Variants in ZNF114 observed in about 807,000 individuals in gnomAD.
The protein encoded by ZNF114 is zinc finger protein 114.
Under a neutral mutation model 6.8 loss-of-function variants are expected in ZNF114, and 8 were observed. The observed-to-expected ratio is 1.18, with a 90% CI of 0.69 to 2.13. The LOEUF (loss-of-function observed/expected upper bound fraction) is 2.13, where lower values mean the gene tolerates loss of function less well. Ranked by LOEUF, ZNF114 falls within the 30% of genes most tolerant of loss-of-function variation. ZNF114 has a pLI of 0.00. For missense variants in ZNF114, 472 were observed against 519.5 expected, an observed-to-expected ratio of 0.91 and a Z score of 0.89; for synonymous variants, 169 against 185.5, an observed-to-expected ratio of 0.91 and a Z score of 0.72.
chr19:48,275,173 G>T (rs73045507), intron 3 of ZNF114, among the ~76,000 whole-genome samples: 39,163 of 139,762 alleles, frequency 0.28, 5,421 homozygotes, highest in East Asian at 0.4. Flanking sequence ...AGAGAGAGAG[G>T]AAGAGAGAAA....
rs1234798460 is a variant in ZNF114 at position 48,286,206 on chromosome 19, G to A, written c.582G>A (p.Glu194=). The change falls in exon 6 of 6, where the codon GAG becomes GAA. Residue 194 remains glutamate (E), a synonymous_variant. Coordinates refer to ENST00000595607, the MANE Select transcript of ZNF114 (RefSeq NM_153608.4). ...IQWVPCGRKT[E]LKSSTWTGSQ... ...GGGTTCCGTGTGGGAGAAAAACAGA[G>A]CTGAAATCAAGCACATGGACTGGCA... 29 of 1,614,076 alleles carry A rather than the reference G, an allele frequency of 1.8e-5. No homozygotes were observed. Among genetic ancestry groups the A allele is most frequent in the Non-Finnish European group, 2.5e-5 (29 of 1,180,038 alleles).
At position 48,285,863 on chromosome 19, in the gene ZNF114, G is replaced by C. The variant is rs1968110457; in HGVS notation, c.239G>C (p.Ser80Thr). 1 of 1,614,094 alleles carries C rather than the reference G, an allele frequency of 6.2e-7. No homozygotes were observed. Among genetic ancestry groups the C allele is most frequent in the Admixed American group, 1.7e-5 (1 of 59,996 alleles). Residue 80 changes from serine to threonine, a missense_variant, in exon 6 of 6, where the codon AGT becomes ACT. Physicochemically the swap from Ser to Thr is moderately conservative, Grantham distance 58. Transcript: ENST00000595607. Reference sequence around the variant, plus strand: ...AACAGAGTGTGTCTCACGAGCATCAGTTCCCAGCACTCCACATTAAGAGAA... The same window carrying C: ...AACAGAGTGTGTCTCACGAGCATCACTTCCCAGCACTCCACATTAAGAGAA... The part of the protein sequence containing the change: ...EANRVCLTSI[S>T]SQHSTLREDW...
At chr19:48,285,725 A>G (rs1273585157) in intron 5 of ZNF114, 36 bp from the exon 6 acceptor site, 1 of 1,562,692 alleles carries the variant, frequency 6.4e-7, no homozygotes, top group Admixed American at 2.0e-5. Flanking sequence ...CTTTACTTTC[A>G]ACAAAGAATT....
intron 3 of ZNF114, among the ~76,000 whole-genome samples, chr19:48,272,077 A>G (rs1208930595): frequency 1.3e-5 from 2 of 152,188 alleles, no homozygotes; most frequent in Admixed American, 6.5e-5. Context: ...AGATGCCCGC[A>G]TGCAGCGGTT....
intron 1 of ZNF114, among the ~76,000 whole-genome samples, chr19:48,270,566 G>GAA (rs767125256): frequency 8.4e-6 from 1 of 118,712 alleles, no homozygotes; most frequent in Non-Finnish European, 1.7e-5. Context: ...GAAAGAGAAA[G>GAA]AAAAAAGAAA....
chr19:48,283,412 C>T (rs1282793657), intron 5 of ZNF114, among the ~76,000 whole-genome samples: 1 of 152,186 alleles, frequency 6.6e-6, no homozygotes, highest in Non-Finnish European at 1.5e-5. Context: ...GGCACAGTTC[C>T]TTTATACCAC....
intron 5 of ZNF114, among the ~76,000 whole-genome samples, chr19:48,284,733 G>A (rs947400789): frequency 6.6e-6 from 1 of 152,148 alleles, no homozygotes; most frequent in Non-Finnish European, 1.5e-5. Context: ...GCCTGTCCAA[G>A]CTTATGTTTT....
At chr19:48,275,494 C>T (rs192015782) in intron 3 of ZNF114, among the ~76,000 whole-genome samples, 2 of 151,130 alleles carry the variant, frequency 1.3e-5, no homozygotes, top group East Asian at 3.9e-4. Context: ...CCTGTACTCC[C>T]AGCTACTTGG....
At chr19:48,283,826 C>A (rs190715737) in intron 5 of ZNF114, among the ~76,000 whole-genome samples, 1 of 151,954 alleles carries the variant, frequency 6.6e-6, no homozygotes, top group Non-Finnish European at 1.5e-5. Flanking sequence ...CTCCACCTCC[C>A]GGGTTCAAGC....
intron 3 of ZNF114, among the ~76,000 whole-genome samples, chr19:48,274,380 AT>A (rs1967764017): frequency 6.6e-6 from 1 of 151,384 alleles, no homozygotes. Flanking sequence ...ATCTTATACT[AT>A]TTAAGTTGAC....
intron 3 of ZNF114, among the ~76,000 whole-genome samples, chr19:48,276,562 C>T (rs900612624): frequency 6.6e-6 from 1 of 152,112 alleles, no homozygotes; most frequent in African/African-American, 2.4e-5. Flanking sequence ...CATTCTGTCA[C>T]CCAAGTTGGA....
chr19:48,282,251 G>T, intron 4 of ZNF114, 120 bp from the exon 5 acceptor site: 1 of 1,366,342 alleles, frequency 7.3e-7, no homozygotes, highest in Non-Finnish European at 1.0e-6. Flanking sequence ...CACAAATCAG[G>T]TCACCTTTGC....
At position 48,286,287 on chromosome 19, in the gene ZNF114, C is replaced by G; in HGVS notation, c.663C>G (p.His221Gln). The G allele has an allele frequency of 1.2e-6, 2 of 1,614,186 alleles. No individual in the cohort carries two copies. Among genetic ancestry groups the G allele is most frequent in the South Asian group, 1.1e-5 (1 of 91,082 alleles). ...RDEIDTGANR[H>Q]QRNPFGKAFR... ...AAATTGATACGGGGGCCAACAGGCA[C>G]CAGCGGAATCCATTTGGAAAAGCTT... Residue 221 changes from histidine to glutamine, a missense_variant, in exon 6 of 6, where the codon CAC (histidine) becomes CAG (glutamine). Transcript: ENST00000595607.
chr19:48,273,756 T>C (rs796765185), intron 3 of ZNF114, among the ~76,000 whole-genome samples: 15 of 129,632 alleles, frequency 1.2e-4, no homozygotes, highest in African/African-American at 3.8e-4. Flanking sequence ...GTGGGGCTTT[T>C]CTTTTTTTTT....
At chr19:48,284,095 G>T (rs1177882532) in intron 5 of ZNF114, among the ~76,000 whole-genome samples, 1 of 152,112 alleles carries the variant, frequency 6.6e-6, no homozygotes, top group South Asian at 2.1e-4. Flanking sequence ...TCAGAGGAAG[G>T]GGGATGAAAT....
chr19:48,280,446 A>G (rs1967959579), intron 4 of ZNF114, among the ~76,000 whole-genome samples: 1 of 152,042 alleles, frequency 6.6e-6, no homozygotes, highest in South Asian at 2.1e-4. Flanking sequence ...AGGGTCTCAC[A>G]GGGGACACTA....
At chr19:48,282,645 C>A in intron 5 of ZNF114, 148 bp downstream of exon 5, 3 of 706,144 alleles carry the variant, frequency 4.2e-6, no homozygotes, top group Non-Finnish European at 6.2e-6. Context: ...TAGGGTTCAC[C>A]ATGAAACTGG....
intron 3 of ZNF114, 116 bp downstream of exon 3, chr19:48,271,944 G>A (rs1052634846): frequency 6.6e-6 from 1 of 152,304 alleles, no homozygotes; most frequent in Non-Finnish European, 1.5e-5. Flanking sequence ...AAAGGGGAAG[G>A]CACGAATGAC....
intron 4 of ZNF114, 108 bp from the exon 5 acceptor site, chr19:48,282,263 G>T (rs1208341096): frequency 6.9e-7 from 1 of 1,453,596 alleles, no homozygotes; most frequent in Non-Finnish European, 9.4e-7. Context: ...CACCTTTGCA[G>T]GTACCAAGGG....
Sources: gnomAD v4.1 joint callset for allele counts (sites outside exome capture counted in the v4.1 genomes callset) on GRCh38, gnomAD v4.1.1 for gene constraint, MANE v1.5 for transcripts, NCBI Gene and HGNC (gene_info 2026-07-23, HGNC 2026-07-21) for gene names.